The following DCC variants were observed in gnomAD, a reference collection of about 807,000 sequenced individuals.
The protein encoded by DCC is netrin receptor DCC.
In DCC, 58 loss-of-function variants were observed where a neutral mutation model predicts 172.5. The ratio of observed to expected loss-of-function variants is 0.34; its 90% CI spans 0.27 to 0.42. The LOEUF (loss-of-function observed/expected upper bound fraction) is 0.42, where lower values mean the gene tolerates loss of function less well. DCC is among the 10% of genes least tolerant of loss of function. DCC has a pLI of 1.00. For synonymous variants in DCC, 709 were observed against 644.5 expected, an observed-to-expected ratio of 1.10 and a Z score of -1.52; for missense variants, 1,740 against 1,791.0, an observed-to-expected ratio of 0.97 and a Z score of 0.51.
At position 52,927,046 on chromosome 18, in the gene DCC, C is replaced by CAT. The variant is rs201863695; in HGVS notation, c.985+1684_985+1685dup. Among the ~76,000 whole-genome samples, 92 of 123,676 alleles carry CAT rather than the reference C, an allele frequency of 7.4e-4. 7 individuals are homozygous for CAT. The East Asian group carries it at 0.019, about 26-fold the overall frequency. 81.1% of individuals were successfully genotyped at this position (123,676 alleles called of 152,430 possible). ...AAATGCCAGTATGAGTATGCCAATA[C>CAT]ATATATATACACATATATACACACA... is the stretch of plus-strand genomic sequence containing the variant. On this transcript the variant is annotated intron_variant, in intron 5 of 28. Transcript: ENST00000442544.
rs753074420 is a variant in DCC, at chr18:53,459,237, G to T, written c.3398G>T (p.Arg1133Leu). 1.4e-5 allele frequency: 23 copies of T among 1,613,220 alleles called. No homozygotes were observed. The East Asian group carries it at 5.1e-4, about 36-fold the overall frequency. The change falls in exon 24 of 29, where the codon CGG (arginine) becomes CTG (leucine). Residue 1133 changes from arginine (R) to leucine (L), a missense_variant. By Grantham distance (102) the Arg-to-Leu change is moderately radical (BLOSUM62 -2). Around this residue, in one of 2 missense-constraint regions of DCC, gnomAD observed 1,732 missense variants for 1,767.4 expected, o/e 0.98. Transcript: ENST00000442544. ...RRSSAQQRKK[R>L]ATHSAGKRKG... Reference sequence around the variant, plus strand: ...CTTCTAACTTTGTTCCATAGGAAACGGGCCACCCACAGTGCTGGCAAAAGG... The same window carrying T: ...CTTCTAACTTTGTTCCATAGGAAACTGGCCACCCACAGTGCTGGCAAAAGG...
At chr18:52,834,785 A>G (rs2038675612) in intron 2 of DCC, among the ~76,000 whole-genome samples, 1 of 152,150 alleles carries the variant, frequency 6.6e-6, no homozygotes, top group East Asian at 1.9e-4. Flanking sequence ...TGATTAGATG[A>G]GTAATTTATA....
At chr18:53,060,476 A>C in intron 5 of DCC, among the ~76,000 whole-genome samples, 1 of 152,184 alleles carries the variant, frequency 6.6e-6, no homozygotes, top group East Asian at 1.9e-4. Flanking sequence ...ATAGCCAGAG[A>C]AGACAAGGTG....
At chr18:52,572,542 C>T (rs985291221) in intron 1 of DCC, among the ~76,000 whole-genome samples, 18 of 152,264 alleles carry the variant, frequency 1.2e-4, no homozygotes, top group Non-Finnish European at 1.9e-4. Context: ...TTCTAGAGCT[C>T]CTGGAGTCCA....
chr18:52,656,048 ATGTATATATG>A (rs2035242724), intron 1 of DCC, among the ~76,000 whole-genome samples: 1 of 126,894 alleles, frequency 7.9e-6, no homozygotes, highest in South Asian at 2.6e-4. Flanking sequence ...GTGTATATAT[ATGTATATATG>A]TGTATATATA....
intron 2 of DCC, among the ~76,000 whole-genome samples, chr18:52,845,986 ATCCAAGGCACTGGG>A (rs2038881323): frequency 6.6e-6 from 1 of 152,174 alleles, no homozygotes. Context: ...TTATGTAAGG[ATCCAAGGCACTGGG>A]GTTGCCTCAG....
intron 14 of DCC, among the ~76,000 whole-genome samples, chr18:53,329,030 G>A (rs1406742838): frequency 6.6e-6 from 1 of 152,102 alleles, no homozygotes; most frequent in Admixed American, 6.6e-5. Context: ...CATCTTAAAA[G>A]CCCATCATCT....
At chr18:52,923,002 C>T (rs933558264) in intron 3 of DCC, among the ~76,000 whole-genome samples, 1 of 152,014 alleles carries the variant, frequency 6.6e-6, no homozygotes, top group Non-Finnish European at 1.5e-5. Context: ...AATAGTGTTC[C>T]ATATATAGAA....
chr18:52,743,555 G>A (rs1481448400), intron 1 of DCC, among the ~76,000 whole-genome samples: 1 of 152,196 alleles, frequency 6.6e-6, no homozygotes, highest in Non-Finnish European at 1.5e-5. Context: ...GAATGAGGAA[G>A]TTACTCTCCC....
At chr18:53,435,942 C>A (rs560929701) in intron 22 of DCC, among the ~76,000 whole-genome samples, 3 of 152,284 alleles carry the variant, frequency 2.0e-5, no homozygotes, top group African/African-American at 7.2e-5. Flanking sequence ...TTATAAGTTT[C>A]TTTTTCATTA....
Position 53,377,740 on chromosome 18 carries a change from T to C in DCC, c.2360-8303T>C, listed in dbSNP as rs1020062332. ...AAGGCCTAATTAGGCATCCAACAAA[T>C]GTTACTATTAGGAAAAAGAGAATGA... On this transcript the variant is annotated intron_variant, in intron 15 of 28. Coordinates refer to ENST00000442544, the MANE Select transcript of DCC (RefSeq NM_005215.4). 2.0e-5 allele frequency among the ~76,000 whole-genome samples: 3 copies of C among 152,168 alleles called. No homozygotes were observed. The East Asian group carries it at 5.8e-4, about 29-fold the overall frequency.
intron 5 of DCC, among the ~76,000 whole-genome samples, chr18:53,007,760 A>G (rs1165421385): frequency 6.6e-6 from 1 of 152,170 alleles, no homozygotes; most frequent in Non-Finnish European, 1.5e-5. Context: ...CTTAAGGACC[A>G]GGAAATTAAT....
chr18:53,109,432 T>C (rs1411937157), intron 7 of DCC, among the ~76,000 whole-genome samples: 1 of 151,710 alleles, frequency 6.6e-6, no homozygotes, highest in Non-Finnish European at 1.5e-5. Context: ...TTTTTAAAAA[T>C]ATTTTATAGT....
chr18:53,240,556 G>A (rs1308464160), intron 12 of DCC, among the ~76,000 whole-genome samples: 2 of 152,076 alleles, frequency 1.3e-5, no homozygotes, highest in East Asian at 3.9e-4. Context: ...AAAAGGTCTT[G>A]GTGTCAGACT....
At chr18:53,408,838 G>T (rs948199171) in intron 19 of DCC, among the ~76,000 whole-genome samples, 2 of 152,280 alleles carry the variant, frequency 1.3e-5, no homozygotes, top group Admixed American at 1.3e-4. Flanking sequence ...TTTCAGCATT[G>T]TTCAAAATTT....
At chr18:52,545,324 C>T (rs529908422) in intron 1 of DCC, among the ~76,000 whole-genome samples, 2 of 152,198 alleles carry the variant, frequency 1.3e-5, no homozygotes, top group Non-Finnish European at 2.9e-5. Flanking sequence ...CTGAAGAGAG[C>T]AGGCTTTTGC....
chr18:52,643,270 T>G (rs909218710), intron 1 of DCC, among the ~76,000 whole-genome samples: 2 of 147,254 alleles, frequency 1.4e-5, no homozygotes, highest in Admixed American at 1.3e-4. Flanking sequence ...ATTTTCAAGC[T>G]GTTGACCTAG....
chr18:52,428,952 C>T (rs1258680382), intron 1 of DCC, among the ~76,000 whole-genome samples: 2 of 152,112 alleles, frequency 1.3e-5, no homozygotes, highest in East Asian at 3.9e-4. Flanking sequence ...TCTCATGTTG[C>T]AGAACAGAAA....
At chr18:53,471,451 A>C (rs533365174) in intron 25 of DCC, among the ~76,000 whole-genome samples, 24 of 152,268 alleles carry the variant, frequency 1.6e-4, no homozygotes, top group African/African-American at 5.8e-4. Context: ...CTTTACAGTC[A>C]ATTCTCTACA....
Sources: gnomAD v4.1 joint callset for allele counts (sites outside exome capture counted in the v4.1 genomes callset) on GRCh38, gnomAD v4.1.1 for gene constraint, gnomAD v4.1.1 regional missense constraint, MANE v1.5 for transcripts, NCBI Gene and HGNC (gene_info 2026-07-23, HGNC 2026-07-21) for gene names.